The following ALMS1 variants were observed in gnomAD, a reference collection of about 807,000 sequenced individuals.
ALMS1 encodes the protein centrosome-associated protein ALMS1.
ALMS1 carries 271 observed loss-of-function variants against 352.2 expected under a neutral mutation model. The ratio of observed to expected loss-of-function variants is 0.77; its 90% CI spans 0.70 to 0.85. The LOEUF is 0.85. ALMS1 is among the 40% of genes least tolerant of loss of function. ALMS1 has a pLI of 0.00. For synonymous variants in ALMS1, 1,865 were observed against 1,761.2 expected (o/e 1.06, Z -1.48); for missense variants, 5,445 against 4,870.7 (o/e 1.12, Z -3.51).
At chr2:73,503,611 G>C (rs1020371538) in intron 10 of ALMS1, among the ~76,000 whole-genome samples, 3 of 152,084 alleles carry the variant, frequency 2.0e-5, no homozygotes, top group Admixed American at 6.5e-5. Context: ...TGGGTATATA[G>C]CCAGTAATGG....
chr2:73,554,512 T>A (rs1674502155), intron 13 of ALMS1, among the ~76,000 whole-genome samples: 1 of 151,360 alleles, frequency 6.6e-6, no homozygotes, highest in Non-Finnish European at 1.5e-5. Flanking sequence ...GAGACCATCC[T>A]GGCTAACACG....
In ALMS1 at chr2:73,452,881, G is replaced by C. The variant is rs781487001; in HGVS notation, c.6354G>C (p.Val2118=). 5 of 1,613,666 alleles carry C rather than the reference G, an allele frequency of 3.1e-6. No individual in the cohort carries two copies. Among genetic ancestry groups the C allele is most frequent in the Non-Finnish European group, 4.2e-6 (5 of 1,179,964 alleles). The change falls in exon 8 of 23, where the codon GTG becomes GTC. Residue 2118 remains valine (V), a synonymous_variant. Transcript: ENST00000613296. Reference sequence around the variant, plus strand: ...CAGGTAGTCATGTAACTGAAGATGTGCTGAAGGTTTCAACAATTCCTGGAC... The same window carrying C: ...CAGGTAGTCATGTAACTGAAGATGTCCTGAAGGTTTCAACAATTCCTGGAC... ...ELPGSHVTED[V]LKVSTIPGPA...
In ALMS1 at chr2:73,449,782, G is replaced by C. The variant is rs181507134; in HGVS notation, c.3255G>C (p.Gln1085His). The C allele has an allele frequency of 6.3e-5, 101 of 1,614,022 alleles. No individual in the cohort carries two copies. The highest frequency in any genetic ancestry group is 8.3e-5 in the Non-Finnish European group (98 of 1,179,994). The change falls in exon 8 of 23, where the codon CAG (glutamine) becomes CAC (histidine). Residue 1085 changes from glutamine to histidine, a missense_variant. Transcript: ENST00000613296. ...CAGCCTTCCCTGGACCAGCTGACCAGATGACTGACACACCAGCAGTACCGT... is the reference window on the plus strand; with the variant it reads ...CAGCCTTCCCTGGACCAGCTGACCACATGACTGACACACCAGCAGTACCGT... ...KVSAFPGPAD[Q>H]MTDTPAVPST...
intron 13 of ALMS1, among the ~76,000 whole-genome samples, chr2:73,550,807 G>T (rs895564499): frequency 1.1e-4 from 16 of 151,920 alleles, no homozygotes; most frequent in African/African-American, 3.1e-4. Flanking sequence ...TTATAGGCTG[G>T]ATTCTGTAGG....
At chr2:73,469,960 A>G (rs764430392) in intron 9 of ALMS1, 1 of 151,910 alleles carries the variant, frequency 6.6e-6, no homozygotes, top group Non-Finnish European at 1.5e-5. Context: ...GTTCCAATAC[A>G]CTAACAAAAA....
In ALMS1 at chr2:73,602,183, A is replaced by G; in HGVS notation, c.12115-2A>G. The G allele has an allele frequency of 1.2e-6, 2 of 1,612,384 alleles. No individual in the cohort carries two copies. The highest frequency in any genetic ancestry group is 2.2e-5 in the East Asian group (1 of 44,840). ...GCATTTTCTCTTTTTTTTTTCTTTT[A>G]GGAATCGCTTCAGTTTCACAGACCT... is the stretch of plus-strand genomic sequence containing the variant. On this transcript the variant is annotated splice_acceptor_variant, in intron 19 of 22. Coordinates refer to ENST00000613296, the MANE Select transcript of ALMS1 (RefSeq NM_001378454.1). LOFTEE classifies it high-confidence loss of function.
chr2:73,405,761 G>A (rs1174654274), intron 1 of ALMS1, among the ~76,000 whole-genome samples: 1 of 151,654 alleles, frequency 6.6e-6, no homozygotes, highest in Admixed American at 6.6e-5. Context: ...GGTATTTTGT[G>A]CTTTAATTTT....
At chr2:73,416,774 TTAAA>T (rs2103695316) in intron 2 of ALMS1, among the ~76,000 whole-genome samples, 1 of 118,664 alleles carries the variant, frequency 8.4e-6, no homozygotes, top group Non-Finnish European at 1.7e-5. Flanking sequence ...ATGTTTTTAT[TTAAA>T]TAAATAAAGC....
At chr2:73,510,246 A>G (rs1369815450) in intron 10 of ALMS1, among the ~76,000 whole-genome samples, 1 of 152,036 alleles carries the variant, frequency 6.6e-6, no homozygotes, top group Non-Finnish European at 1.5e-5. Flanking sequence ...TTCTCCATCC[A>G]GTTTTGTTGC....
At position 73,451,340 on chromosome 2, in the gene ALMS1, GA is replaced by G. The variant is rs758098717; in HGVS notation, c.4820del (p.Lys1607ArgfsTer9). On this transcript the variant is annotated frameshift_variant, in exon 8 of 23. Transcript: ENST00000613296. LOFTEE classifies it high-confidence loss of function. ...LKVSIVSGPT[E>X]KKTDIPAGPL... ...AGTTTCCATTGTTTCTGGACCTACT[GA>G]AAAAAAGACTGACATACCAGCAGGA... 3.7e-6 allele frequency: 6 copies of G among 1,613,938 alleles called. No homozygotes were observed. Among genetic ancestry groups the G allele is most frequent in the Non-Finnish European group, 5.1e-6 (6 of 1,179,964 alleles).
intron 1 of ALMS1, 45 bp downstream of exon 1, chr2:73,386,237 G>T (rs1246891784): frequency 5.5e-6 from 8 of 1,463,876 alleles, no homozygotes; most frequent in Non-Finnish European, 7.2e-6. Flanking sequence ...CGAGTTGGGG[G>T]TGGAGGCTGG....
chr2:73,448,305 A>G lies in ALMS1; in HGVS notation c.1778A>G (p.His593Arg), dbSNP rs2103772175. Reference protein sequence around the residue: ...IFYQQGLPDSHLTEEALKVSA... With the variant: ...IFYQQGLPDSRLTEEALKVSA... ...TACCAGCAGGGCTTGCCAGACAGTC[A>G]TCTAACTGAAGAGGCTTTGAAAGTT... The change falls in exon 8 of 23, where the codon CAT becomes CGT. Residue 593 changes from histidine to arginine, a missense_variant. Transcript: ENST00000613296. The G allele has an allele frequency of 6.2e-7, 1 of 1,614,076 alleles. No individual in the cohort carries two copies.
intron 1 of ALMS1, among the ~76,000 whole-genome samples, chr2:73,399,356 G>T (rs566007802): frequency 2.0e-4 from 31 of 152,266 alleles, no homozygotes; most frequent in Middle Eastern, 3.4e-3. Context: ...AAGTTACAAT[G>T]AAAAGAAGTT....
intron 21 of ALMS1, among the ~76,000 whole-genome samples, chr2:73,604,380 A>G (rs1487102854): frequency 6.6e-6 from 1 of 152,216 alleles, no homozygotes; most frequent in East Asian, 1.9e-4. Flanking sequence ...CCTGGGTAAC[A>G]GACTGAAACT....
intron 11 of ALMS1, among the ~76,000 whole-genome samples, chr2:73,521,899 C>A (rs1334523996): frequency 1.3e-5 from 2 of 152,028 alleles, no homozygotes; most frequent in Non-Finnish European, 2.9e-5. Context: ...CACTGTGGGT[C>A]AAAAGTAAAA....
Position 73,450,168 on chromosome 2 carries a change from A to C in ALMS1, c.3641A>C (p.Glu1214Ala). Reference protein sequence around the residue: ...QTLPGSHIPEEAQKVSPVLGP... With the variant: ...QTLPGSHIPEAAQKVSPVLGP... The stretch of plus-strand genomic sequence containing the variant: ...TTGCCAGGTAGTCACATACCTGAAG[A>C]GGCACAGAAAGTTTCACCTGTTCTT... The change falls in exon 8 of 23, where the codon GAG becomes GCG. Residue 1214 changes from glutamate to alanine, a missense_variant. Glu to Ala is a moderately radical substitution (Grantham distance 107). Transcript: ENST00000613296. The C allele has an allele frequency of 6.2e-7, 1 of 1,614,106 alleles. No homozygotes were observed. Among genetic ancestry groups the C allele is most frequent in the Non-Finnish European group, 8.5e-7 (1 of 1,179,986 alleles).
intron 1 of ALMS1, among the ~76,000 whole-genome samples, chr2:73,391,713 G>A (rs1187145698): frequency 5.3e-5 from 8 of 152,184 alleles, no homozygotes; most frequent in Middle Eastern, 3.4e-3. Flanking sequence ...ATTTGATAAT[G>A]GTTTTAAATG....
At chr2:73,442,901 T>G (rs1013306880) in intron 7 of ALMS1, among the ~76,000 whole-genome samples, 1 of 152,180 alleles carries the variant, frequency 6.6e-6, no homozygotes, top group Non-Finnish European at 1.5e-5. Flanking sequence ...GTCAGAACTT[T>G]AAAAATGGAG....
chr2:73,509,005 T>A (rs1272440095), intron 10 of ALMS1, among the ~76,000 whole-genome samples: 1 of 152,210 alleles, frequency 6.6e-6, no homozygotes, highest in African/African-American at 2.4e-5. Flanking sequence ...TGATCTTTGT[T>A]GGTTTAAAGT....
Sources: gnomAD v4.1 joint callset for allele counts (sites outside exome capture counted in the v4.1 genomes callset) on GRCh38, gnomAD v4.1.1 for gene constraint, MANE v1.5 for transcripts, NCBI Gene and HGNC (gene_info 2026-07-23, HGNC 2026-07-21) for gene names.